INTS6L: variants seen among roughly 807,000 people sequenced by gnomAD.
INTS6L encodes integrator complex subunit 6 like.
A neutral mutation model predicts 64.7 loss-of-function variants in INTS6L; 18 were observed. The observed-to-expected ratio is 0.28, with a 90% CI of 0.19 to 0.41. INTS6L has a LOEUF of 0.41. INTS6L is among the 10% of genes least tolerant of loss of function. INTS6L has a pLI of 1.00. For synonymous variants in INTS6L, 227 were observed against 235.9 expected, an observed-to-expected ratio of 0.96 and a Z score of 0.34; for missense variants, 533 against 661.0, an observed-to-expected ratio of 0.81 and a Z score of 2.12.
In INTS6L at chrX:135,547,276, T is replaced by A. The variant is rs2086380915; in HGVS notation, c.742+11T>A. 1 of 1,193,320 alleles carries A rather than the reference T, an allele frequency of 8.4e-7. No individual in the cohort carries two copies. Among genetic ancestry groups the A allele is most frequent in the Non-Finnish European group, 1.1e-6 (1 of 889,142 alleles). On this transcript the variant is annotated intron_variant, in intron 6 of 17. Coordinates refer to ENST00000639893, the MANE Select transcript of INTS6L (RefSeq NM_001351601.3). ...TTCCTATTGGAGAAGGTATAGTAGA[T>A]AACTTTTTTAACCCTAAAGTGTTAT... is the stretch of plus-strand genomic sequence containing the variant.
rs782713573 is a variant in INTS6L, at chrX:135,575,158, C to A, written c.1816C>A (p.Arg606=). ...EYLKTLASPL[R]EIDPDQPKRL... is the part of the protein sequence containing the mutation. Reference sequence around the variant, plus strand: ...TCTGAAGACATTGGCTTCTCCACTGCGAGAGATTGATCCAGACCAACCCAA... The same window carrying A: ...TCTGAAGACATTGGCTTCTCCACTGAGAGAGATTGATCCAGACCAACCCAA... The change falls in exon 14 of 18, where the codon CGA becomes AGA. Residue 606 remains arginine, a synonymous_variant. Coordinates refer to ENST00000639893, the MANE Select transcript of INTS6L (RefSeq NM_001351601.3). 3.3e-6 allele frequency: 4 copies of A among 1,211,248 alleles called. No individual in the cohort carries two copies. The highest frequency in any genetic ancestry group is 4.5e-6 in the Non-Finnish European group (4 of 895,138).
intron 2 of INTS6L, among the ~76,000 whole-genome samples, chrX:135,541,469 A>T (rs1477427851): frequency 3.6e-5 from 4 of 112,398 alleles, no homozygotes; most frequent in African/African-American, 6.5e-5. Context: ...AATGCATTCT[A>T]TACTTACATC....
intron 9 of INTS6L, 112 bp from the exon 10 acceptor site, chrX:135,569,225 G>C (rs781818276): frequency 2.7e-6 from 1 of 367,534 alleles, no homozygotes; most frequent in Non-Finnish European, 4.5e-6. Flanking sequence ...TCAAATAAAC[G>C]CCAATGAAAT....
chrX:135,533,318 G>T (rs891713031), intron 2 of INTS6L, among the ~76,000 whole-genome samples: 8 of 111,883 alleles, frequency 7.2e-5, no homozygotes, highest in Non-Finnish European at 1.5e-4. Flanking sequence ...TTTGTATTTT[G>T]TTGGGATTTT....
intron 9 of INTS6L, among the ~76,000 whole-genome samples, chrX:135,559,852 A>G (rs1228746987): frequency 1.8e-5 from 2 of 112,358 alleles, no homozygotes; most frequent in Non-Finnish European, 3.8e-5. Flanking sequence ...GTGTATGGTG[A>G]TATAGCACTG....
intron 11 of INTS6L, chrX:135,571,428 A>G (rs1230470848): frequency 8.9e-6 from 1 of 111,899 alleles, no homozygotes; most frequent in Non-Finnish European, 1.9e-5. Context: ...GCCTTTAGGA[A>G]ATGGAGAGTA....
At chrX:135,580,977 G>A in intron 16 of INTS6L, 73 bp from the exon 17 acceptor site, 1 of 718,906 alleles carries the variant, frequency 1.4e-6, no homozygotes, top group Admixed American at 4.5e-5. Context: ...CAATTACTAA[G>A]GATGTACAAC....
intron 9 of INTS6L, among the ~76,000 whole-genome samples, chrX:135,568,004 T>C (rs1556525633): frequency 9.0e-6 from 1 of 111,435 alleles, no homozygotes; most frequent in African/African-American, 3.3e-5. Context: ...TCTCTGTAAG[T>C]AAAGCATTTT....
intron 2 of INTS6L, among the ~76,000 whole-genome samples, chrX:135,533,099 AC>A (rs2085951537): frequency 9.3e-6 from 1 of 107,548 alleles, no homozygotes; most frequent in African/African-American, 3.6e-5. Flanking sequence ...AAAAACAAAA[AC>A]AAAAAAACAA....
At chrX:135,574,262 C>A (rs1448135354) in intron 13 of INTS6L, among the ~76,000 whole-genome samples, 200 bp downstream of exon 13, 1 of 109,751 alleles carries the variant, frequency 9.1e-6, no homozygotes, top group African/African-American at 3.3e-5. Context: ...TTAATCAGCA[C>A]GTACACTACA....
intron 8 of INTS6L, 118 bp from the exon 9 acceptor site, chrX:135,556,050 C>A: frequency 1.3e-6 from 1 of 748,423 alleles, no homozygotes; most frequent in Non-Finnish European, 1.9e-6. Flanking sequence ...AACACTATTG[C>A]TATTTTAAAA....
At chrX:135,532,575 T>C (rs1349161310) in intron 2 of INTS6L, among the ~76,000 whole-genome samples, 3 of 112,251 alleles carry the variant, frequency 2.7e-5, no homozygotes, top group African/African-American at 9.7e-5. Flanking sequence ...GAGATCCATG[T>C]TCTTAACCTG....
Position 135,528,872 on chromosome X carries a change from C to CT in INTS6L, c.189+7554_189+7555insT, listed in dbSNP as rs1163079607. Among the ~76,000 whole-genome samples, 26 of 72,588 alleles carry CT rather than the reference C, an allele frequency of 3.6e-4. 2 individuals carry two copies. In the South Asian group the frequency reaches 0.014, roughly 40 times the overall value. The allele number at this position is 72,588 out of a possible 115,157, so 63.0% of individuals were successfully genotyped here. On this transcript the variant is annotated intron_variant, in intron 2 of 17. Transcript: ENST00000639893. ...AGTTCCGTTTAAAATGAACACCCCC[C>CT]CCCCCGACCCACCGCAATAAAAGAC...
At chrX:135,554,883 C>CTTTTT (rs35845600) in intron 8 of INTS6L, among the ~76,000 whole-genome samples, 1,517 of 50,404 alleles carry the variant, frequency 0.03, 166 homozygotes, top group Middle Eastern at 0.048. Flanking sequence ...ACCAGCATAA[C>CTTTTT]TTTTTTTTTT....
intron 6 of INTS6L, among the ~76,000 whole-genome samples, chrX:135,547,811 G>A (rs181167955): frequency 1.1e-4 from 12 of 111,475 alleles, no homozygotes; most frequent in Admixed American, 2.9e-4. Context: ...CAGAAAGTTC[G>A]ACATCCAAAA....
chrX:135,528,656 T>C (rs781801315), intron 2 of INTS6L, among the ~76,000 whole-genome samples: 2 of 112,393 alleles, frequency 1.8e-5, no homozygotes, highest in African/African-American at 6.5e-5. Flanking sequence ...ATATTTTGGA[T>C]ATATTAAGTA....
At chrX:135,530,389 C>G (rs2085874575) in intron 2 of INTS6L, among the ~76,000 whole-genome samples, 1 of 111,415 alleles carries the variant, frequency 9.0e-6, no homozygotes, top group South Asian at 3.7e-4. Flanking sequence ...GAACTGGTGG[C>G]CTAGGCTGAG....
chrX:135,545,251 G>T (rs2086323872), intron 2 of INTS6L, among the ~76,000 whole-genome samples, 172 bp from the exon 3 acceptor site: 1 of 112,132 alleles, frequency 8.9e-6, no homozygotes, highest in African/African-American at 3.2e-5. Context: ...GAGCTAGCAG[G>T]TCTTTCCGAA....
intron 15 of INTS6L, among the ~76,000 whole-genome samples, chrX:135,579,211 G>A (rs2087310061): frequency 1.8e-5 from 2 of 112,034 alleles, no homozygotes; most frequent in African/African-American, 3.2e-5. Context: ...CACAGACGAT[G>A]AATAAATGAA....
Sources: gnomAD v4.1 joint callset for allele counts (sites outside exome capture counted in the v4.1 genomes callset) on GRCh38, gnomAD v4.1.1 for gene constraint, MANE v1.5 for transcripts, NCBI Gene and HGNC (gene_info 2026-07-23, HGNC 2026-07-21) for gene names.